The following NR6A1 variants were observed in gnomAD, a reference collection of about 807,000 sequenced individuals.
The protein encoded by NR6A1 is retinoic acid receptor-related testis-associated receptor.
NR6A1 carries 7 observed loss-of-function variants against 59.1 expected under a neutral mutation model. The observed-to-expected ratio is 0.12, with a 90% CI of 0.07 to 0.22. The LOEUF (loss-of-function observed/expected upper bound fraction) is 0.22. NR6A1 is among the 10% of genes least tolerant of loss of function. The probability of loss-of-function intolerance (pLI) is 1.00; values close to 1 mark genes in which losing one functional copy is unlikely to be tolerated. For synonymous variants in NR6A1, 243 were observed against 236.1 expected, an observed-to-expected ratio of 1.03 and a Z score of -0.27; for missense variants, 468 against 611.6, an observed-to-expected ratio of 0.77 and a Z score of 2.48.
At chr9:124,720,200 C>T (rs571438524) in intron 2 of NR6A1, among the ~76,000 whole-genome samples, 10 of 152,028 alleles carry the variant, frequency 6.6e-5, no homozygotes, top group East Asian at 2.0e-4. Context: ...TACAAGCATG[C>T]GCCACCACGT....
intron 2 of NR6A1, among the ~76,000 whole-genome samples, chr9:124,621,308 T>C (rs1224869852): frequency 1.3e-5 from 2 of 152,170 alleles, no homozygotes; most frequent in Non-Finnish European, 2.9e-5. Context: ...AAGAAGAAAC[T>C]TCCTTTTCAG....
rs559394852 is a variant in NR6A1 at position 124,703,510 on chromosome 9, T to C, written c.142+29798A>G. 2.6e-5 allele frequency among the ~76,000 whole-genome samples: 4 copies of C among 151,936 alleles called. No homozygotes were observed. The South Asian group carries it at 8.3e-4, about 32-fold the overall frequency. On this transcript the variant is annotated intron_variant, in intron 2 of 9. Coordinates refer to ENST00000487099, the MANE Select transcript of NR6A1 (RefSeq NM_033334.4). ...AGCGTGAGCCACTGTGCCCAGCCCATCCTACCTTTTAGTGGAATGTTTGTC... is the reference window on the plus strand; with the variant it reads ...AGCGTGAGCCACTGTGCCCAGCCCACCCTACCTTTTAGTGGAATGTTTGTC...
chr9:124,722,554 C>T (rs751791987), intron 2 of NR6A1, among the ~76,000 whole-genome samples: 4 of 152,136 alleles, frequency 2.6e-5, no homozygotes, highest in South Asian at 4.1e-4. Flanking sequence ...TCCCAAGTCA[C>T]GTGACAGTTG....
intron 1 of NR6A1, among the ~76,000 whole-genome samples, chr9:124,755,452 A>C (rs930056468): frequency 6.6e-6 from 1 of 152,198 alleles, no homozygotes; most frequent in Non-Finnish European, 1.5e-5. Context: ...AAATAATCCT[A>C]AAATCTGCAA....
At chr9:124,579,056 T>C (rs1357641286) in intron 2 of NR6A1, among the ~76,000 whole-genome samples, 2 of 152,026 alleles carry the variant, frequency 1.3e-5, no homozygotes, top group African/African-American at 4.8e-5. Context: ...CTGAGACAGG[T>C]GGATTGCTTG....
intron 1 of NR6A1, among the ~76,000 whole-genome samples, chr9:124,762,670 T>G (rs1225122900): frequency 6.6e-6 from 1 of 152,236 alleles, no homozygotes; most frequent in East Asian, 1.9e-4. Context: ...TACATTAAAA[T>G]CCATTGATCA....
At chr9:124,753,510 A>C (rs1050786815) in intron 1 of NR6A1, among the ~76,000 whole-genome samples, 1 of 152,244 alleles carries the variant, frequency 6.6e-6, no homozygotes, top group Non-Finnish European at 1.5e-5. Context: ...TGAAGATTTA[A>C]AAATACTGGT....
In NR6A1 at chr9:124,733,343, C is replaced by T; in HGVS notation, c.107G>A (p.Cys36Tyr). 9 of 1,612,482 alleles carry T rather than the reference C, an allele frequency of 5.6e-6. 1 individual carries two copies. The highest frequency in any genetic ancestry group is 7.6e-6 in the Non-Finnish European group (9 of 1,178,700). ...ALPPPPRNGF[C>Y]QDELAELDPG... Reference sequence around the variant, plus strand: ...GTCAAGCTCTGCCAATTCATCCTGACAGAAACCTAAAGAGAAAACAATAGG... The same window carrying T: ...GTCAAGCTCTGCCAATTCATCCTGATAGAAACCTAAAGAGAAAACAATAGG... Residue 36 changes from cysteine (C) to tyrosine (Y), a missense_variant, in exon 2 of 10, where the codon TGT (cysteine) becomes TAT (tyrosine). Cys to Tyr is a radical substitution (Grantham distance 194). This residue lies in a region of NR6A1 where 75 missense variants were observed against 65.6 expected (regional missense o/e 1.14). Transcript: ENST00000487099.
chr9:124,626,065 G>T (rs1836232956), intron 2 of NR6A1, among the ~76,000 whole-genome samples: 1 of 152,192 alleles, frequency 6.6e-6, no homozygotes, highest in Non-Finnish European at 1.5e-5. Flanking sequence ...GGAGTGCAGT[G>T]GTACGATCTC....
chr9:124,547,165 T>C (rs1833624821), intron 3 of NR6A1, among the ~76,000 whole-genome samples: 1 of 152,282 alleles, frequency 6.6e-6, no homozygotes, highest in Non-Finnish European at 1.5e-5. Flanking sequence ...ATGGCTCTTC[T>C]ATCTTCTCAG....
chr9:124,526,329 T>C (rs1480976325), intron 8 of NR6A1, among the ~76,000 whole-genome samples: 2 of 151,900 alleles, frequency 1.3e-5, no homozygotes, highest in Non-Finnish European at 2.9e-5. Context: ...TGTGCACCCC[T>C]GCTCTGCCCT....
intron 2 of NR6A1, among the ~76,000 whole-genome samples, chr9:124,637,421 A>T (rs916837566): frequency 6.6e-6 from 1 of 152,202 alleles, no homozygotes; most frequent in Non-Finnish European, 1.5e-5. Flanking sequence ...CATTTATTAA[A>T]TATCTATTAC....
At chr9:124,661,033 C>A (rs1299632869) in intron 2 of NR6A1, among the ~76,000 whole-genome samples, 1 of 152,082 alleles carries the variant, frequency 6.6e-6, no homozygotes, top group Non-Finnish European at 1.5e-5. Context: ...CACATAAAAT[C>A]TATTATTTAA....
At chr9:124,742,859 G>C (rs371771340) in intron 1 of NR6A1, among the ~76,000 whole-genome samples, 6 of 152,348 alleles carry the variant, frequency 3.9e-5, no homozygotes, top group Admixed American at 2.0e-4. Flanking sequence ...CTGGATGACA[G>C]AGCGAGACTC....
At chr9:124,569,897 G>T (rs1410287804) in intron 2 of NR6A1, among the ~76,000 whole-genome samples, 1 of 152,098 alleles carries the variant, frequency 6.6e-6, no homozygotes, top group Non-Finnish European at 1.5e-5. Flanking sequence ...GACATCAGCT[G>T]AATGAAAACA....
intron 2 of NR6A1, among the ~76,000 whole-genome samples, chr9:124,574,116 C>A (rs1408194429): frequency 1.3e-5 from 2 of 152,146 alleles, no homozygotes; most frequent in Non-Finnish European, 2.9e-5. Flanking sequence ...TTTCTCTCCA[C>A]CAGGAATATA....
intron 2 of NR6A1, among the ~76,000 whole-genome samples, chr9:124,572,522 C>T (rs1834467309): frequency 6.6e-6 from 1 of 152,158 alleles, no homozygotes; most frequent in African/African-American, 2.4e-5. Flanking sequence ...AATGATTACC[C>T]AAGGTCATAC....
At chr9:124,676,379 C>T (rs1054014153) in intron 2 of NR6A1, among the ~76,000 whole-genome samples, 1 of 152,032 alleles carries the variant, frequency 6.6e-6, no homozygotes, top group Non-Finnish European at 1.5e-5. Flanking sequence ...CTGGTAAGGG[C>T]CCCGTACCAA....
chr9:124,714,729 C>T (rs1839366667), intron 2 of NR6A1, among the ~76,000 whole-genome samples: 1 of 151,948 alleles, frequency 6.6e-6, no homozygotes, highest in South Asian at 2.1e-4. Context: ...TTTATATATA[C>T]TAGCAACAAT....
Sources: gnomAD v4.1 joint callset for allele counts (sites outside exome capture counted in the v4.1 genomes callset) on GRCh38, gnomAD v4.1.1 for gene constraint, gnomAD v4.1.1 regional missense constraint, MANE v1.5 for transcripts, NCBI Gene and HGNC (gene_info 2026-07-23, HGNC 2026-07-21) for gene names.